Variants in COBL observed in about 807,000 individuals in gnomAD.
The protein encoded by COBL is protein cordon-bleu.
A neutral mutation model predicts 98.8 loss-of-function variants in COBL; 51 were observed. The ratio of observed to expected loss-of-function variants is 0.52; its 90% CI spans 0.41 to 0.65. The LOEUF (loss-of-function observed/expected upper bound fraction) is 0.65, where lower values mean the gene tolerates loss of function less well. Ranked by LOEUF, COBL falls within the 30% of genes least tolerant of loss-of-function variation. The pLI, the probability that COBL is intolerant of heterozygous loss-of-function variation, is 0.00. For missense variants in COBL, 1,617 were observed against 1,617.5 expected (o/e 1.00, Z 0.01); for synonymous variants, 634 against 651.7 (o/e 0.97, Z 0.41).
chr7:51,098,117 A>G (rs2128958948), intron 6 of COBL, among the ~76,000 whole-genome samples: 1 of 152,026 alleles, frequency 6.6e-6, no homozygotes, highest in African/African-American at 2.4e-5. Flanking sequence ...ATTAGAGAAG[A>G]CACAATAAAT....
intron 2 of COBL, among the ~76,000 whole-genome samples, chr7:51,209,070 A>G (rs1453157043): frequency 1.3e-5 from 2 of 150,754 alleles, no homozygotes; most frequent in East Asian, 3.9e-4. Flanking sequence ...AAAAAAAAAA[A>G]AACATTTGCA....
At chr7:51,305,887 T>A (rs1042096769) in intron 1 of COBL, among the ~76,000 whole-genome samples, 19 of 152,008 alleles carry the variant, frequency 1.2e-4, no homozygotes, top group African/African-American at 4.6e-4. Flanking sequence ...ACAAAAAAAA[T>A]TGGCCAGCCG....
At chr7:51,139,403 TATTG>T (rs1419837235) in intron 5 of COBL, among the ~76,000 whole-genome samples, 2 of 152,338 alleles carry the variant, frequency 1.3e-5, no homozygotes, top group East Asian at 1.9e-4. Flanking sequence ...GAAGTTCTGA[TATTG>T]ATTATCTTCA....
chr7:51,067,553 C>G (rs554111462), intron 7 of COBL, among the ~76,000 whole-genome samples: 16 of 152,282 alleles, frequency 1.1e-4, no homozygotes, highest in Admixed American at 9.2e-4. Context: ...TGCATGTATA[C>G]ACATACACAC....
Position 51,118,251 on chromosome 7 carries a change from C to T in COBL, c.957+17907G>A, listed in dbSNP as rs1797451474. Among the ~76,000 whole-genome samples, 4 of 152,100 alleles carry T rather than the reference C, an allele frequency of 2.6e-5. No individual in the cohort carries two copies. The South Asian group carries it at 8.3e-4, about 31-fold the overall frequency. ...GCTTGGTAGTTTAAACACAAACACA[C>T]ACATTTGTTATCTCAGTTTCCAGCG... On this transcript the variant is annotated intron_variant, in intron 6 of 12. Transcript: ENST00000265136.
At position 51,029,561 on chromosome 7, in the gene COBL, C is replaced by G. The variant is rs767107999; in HGVS notation, c.1535G>C (p.Ser512Thr). The G allele has an allele frequency of 8.7e-6, 14 of 1,604,418 alleles. 1 individual carries two copies. In the Middle Eastern group the frequency reaches 8.3e-4, roughly 95 times the overall value. The change falls in exon 10 of 13, where the codon AGC (serine) becomes ACC (threonine). Residue 512 changes from serine (S) to threonine (T), a missense_variant. This residue lies in a region of COBL where 1,304 missense variants were observed against 1,282.0 expected (regional missense o/e 1.02). Transcript: ENST00000265136. ...EMEDSYETDT[S>T]SLTSSIHGAS... is the part of the protein sequence containing the mutation. ...ACCATGGATGGAGCTGGTGAGGGAGCTGGTGTCTGTTTCATAGCTGTCTTC... is the reference window on the plus strand; with the variant it reads ...ACCATGGATGGAGCTGGTGAGGGAGGTGGTGTCTGTTTCATAGCTGTCTTC...
intron 6 of COBL, among the ~76,000 whole-genome samples, chr7:51,098,304 A>G (rs73336728): frequency 0.37 from 53,433 of 144,982 alleles, 10,419 homozygotes; most frequent in African/African-American, 0.48. Flanking sequence ...TAACCAAAGC[A>G]ATCTTGAGGG....
At chr7:51,137,311 T>C (rs777068719) in intron 5 of COBL, among the ~76,000 whole-genome samples, 9 of 152,232 alleles carry the variant, frequency 5.9e-5, no homozygotes, top group Non-Finnish European at 8.8e-5. Context: ...ATACAAACCT[T>C]GGGCAAATTT....
At chr7:51,074,582 T>C (rs907342863) in intron 7 of COBL, among the ~76,000 whole-genome samples, 3 of 152,220 alleles carry the variant, frequency 2.0e-5, no homozygotes, top group Non-Finnish European at 4.4e-5. Context: ...AAAGAGAAGT[T>C]CTTCAACATG....
At chr7:51,287,350 A>G (rs1450839373) in intron 1 of COBL, among the ~76,000 whole-genome samples, 1 of 152,224 alleles carries the variant, frequency 6.6e-6, no homozygotes, top group African/African-American at 2.4e-5. Context: ...ATTTCCCCCA[A>G]AAAGACATAT....
At chr7:51,035,629 A>T (rs1352503087) in intron 8 of COBL, 1 of 152,212 alleles carries the variant, frequency 6.6e-6, no homozygotes, top group Non-Finnish European at 1.5e-5. Context: ...AATTTAAAAT[A>T]TTTTTATAAT....
intron 1 of COBL, among the ~76,000 whole-genome samples, chr7:51,261,726 A>C (rs1797735459): frequency 6.6e-6 from 1 of 152,036 alleles, no homozygotes; most frequent in Non-Finnish European, 1.5e-5. Flanking sequence ...CAGCACTTTG[A>C]GAGGCCGAAG....
chr7:51,040,166 A>C (rs1789031936), intron 8 of COBL, among the ~76,000 whole-genome samples: 1 of 151,156 alleles, frequency 6.6e-6, no homozygotes. Context: ...GAATATGTCT[A>C]ATTTGTCAGT....
intron 8 of COBL, among the ~76,000 whole-genome samples, chr7:51,039,195 C>A (rs1051813832): frequency 6.6e-6 from 1 of 152,218 alleles, no homozygotes; most frequent in African/African-American, 2.4e-5. Context: ...CACTGCCTGT[C>A]AGAAAACCTC....
intron 5 of COBL, among the ~76,000 whole-genome samples, chr7:51,141,534 T>C (rs942944166): frequency 3.9e-5 from 6 of 152,072 alleles, no homozygotes; most frequent in Non-Finnish European, 8.8e-5. Context: ...TCCCTAGTGA[T>C]AGAATAAACT....
intron 5 of COBL, among the ~76,000 whole-genome samples, chr7:51,141,562 AAT>A (rs1047127259): frequency 6.6e-6 from 1 of 152,172 alleles, no homozygotes; most frequent in African/African-American, 2.4e-5. Flanking sequence ...TGAAACTAGA[AAT>A]ATGTTCCTGT....
At chr7:51,054,006 C>A (rs779865987) in intron 7 of COBL, among the ~76,000 whole-genome samples, 6 of 152,172 alleles carry the variant, frequency 3.9e-5, no homozygotes, top group Non-Finnish European at 5.9e-5. Context: ...CATGGTGAAA[C>A]CCTGTCTTTA....
intron 4 of COBL, 82 bp downstream of exon 4, chr7:51,190,768 T>G: frequency 8.8e-7 from 1 of 1,130,906 alleles, no homozygotes; most frequent in Non-Finnish European, 1.3e-6. Context: ...CTGAGAGTGC[T>G]GGGGAGAGCC....
chr7:51,251,411 G>A (rs1342022118), intron 1 of COBL, among the ~76,000 whole-genome samples: 2 of 152,144 alleles, frequency 1.3e-5, no homozygotes, highest in Admixed American at 6.5e-5. Flanking sequence ...GTTTCAGGAC[G>A]CTGCCAGCTA....
Sources: gnomAD v4.1 joint callset for allele counts (sites outside exome capture counted in the v4.1 genomes callset) on GRCh38, gnomAD v4.1.1 for gene constraint, gnomAD v4.1.1 regional missense constraint, MANE v1.5 for transcripts, NCBI Gene and HGNC (gene_info 2026-07-23, HGNC 2026-07-21) for gene names.